Variants in LRRIQ3 observed in about 807,000 individuals in gnomAD.
The protein encoded by LRRIQ3 is leucine-rich repeat and IQ domain-containing protein 3.
LRRIQ3 carries 75 observed loss-of-function variants against 59.3 expected under a neutral mutation model. The ratio of observed to expected loss-of-function variants is 1.26; its 90% CI spans 1.05 to 1.53. The LOEUF (loss-of-function observed/expected upper bound fraction) is 1.53, where lower values mean the gene tolerates loss of function less well. Ranked by LOEUF, LRRIQ3 falls within the 40% of genes most tolerant of loss-of-function variation. LRRIQ3 has a pLI of 0.00. For synonymous variants in LRRIQ3, 250 were observed against 231.3 expected, an observed-to-expected ratio of 1.08 and a Z score of -0.73; for missense variants, 831 against 710.0, an observed-to-expected ratio of 1.17 and a Z score of -1.94.
At chr1:74,066,732 T>C (rs1316867434) in intron 6 of LRRIQ3, among the ~76,000 whole-genome samples, 1 of 152,182 alleles carries the variant, frequency 6.6e-6, no homozygotes, top group Non-Finnish European at 1.5e-5. Context: ...AGTATATTAC[T>C]CAAGATAATT....
intron 6 of LRRIQ3, among the ~76,000 whole-genome samples, chr1:74,055,497 T>C (rs1183833969): frequency 1.3e-5 from 2 of 152,174 alleles, no homozygotes; most frequent in African/African-American, 2.4e-5. Flanking sequence ...TTTGCAAGAA[T>C]CATCCATGTT....
Position 74,032,972 on chromosome 1 carries a change from T to C in LRRIQ3, c.1719-6003A>G, listed in dbSNP as rs375819024. 5.9e-5 allele frequency among the ~76,000 whole-genome samples: 9 copies of C among 152,152 alleles called. No individual in the cohort carries two copies. In the East Asian group the frequency reaches 9.7e-4, roughly 16 times the overall value. On this transcript the variant is annotated intron_variant, in intron 7 of 7. Coordinates refer to ENST00000354431, the MANE Select transcript of LRRIQ3 (RefSeq NM_001105659.2). ...ATATAGAATTTTATAAATATGGATA[T>C]AGGAAGTTGAATGAATTAAAGCTTG...
chr1:74,191,959 T>C (rs1570289342), intron 1 of LRRIQ3, among the ~76,000 whole-genome samples: 1 of 152,064 alleles, frequency 6.6e-6, no homozygotes, highest in African/African-American at 2.4e-5. Flanking sequence ...TTAATTATAT[T>C]CTCAAATATT....
chr1:74,038,700 T>G (rs1653948652), intron 7 of LRRIQ3, among the ~76,000 whole-genome samples: 1 of 152,170 alleles, frequency 6.6e-6, no homozygotes, highest in South Asian at 2.1e-4. Context: ...AGCGAACCTC[T>G]GGCAAACCTC....
intron 4 of LRRIQ3, among the ~76,000 whole-genome samples, chr1:74,124,352 G>A (rs1646904871): frequency 6.6e-6 from 1 of 151,898 alleles, no homozygotes; most frequent in South Asian, 2.1e-4. Context: ...CTGTGCAGAA[G>A]CTCTTTAACT....
At chr1:74,047,212 A>G (rs10789383) in intron 6 of LRRIQ3, among the ~76,000 whole-genome samples, 49,106 of 152,094 alleles carry the variant, frequency 0.32, 8,441 homozygotes, top group Middle Eastern at 0.45. Flanking sequence ...TCACTGATAG[A>G]CTGGATAAAG....
At chr1:74,161,886 A>C (rs1557646933) in intron 3 of LRRIQ3, among the ~76,000 whole-genome samples, 1 of 152,012 alleles carries the variant, frequency 6.6e-6, no homozygotes, top group East Asian at 1.9e-4. Flanking sequence ...CAAATGCCAT[A>C]AACCATTTGA....
At chr1:74,154,157 C>T (rs574908856) in intron 4 of LRRIQ3, among the ~76,000 whole-genome samples, 30 of 138,858 alleles carry the variant, frequency 2.2e-4, no homozygotes, top group African/African-American at 7.5e-4. Context: ...AGGAGAATGG[C>T]GTGAACCCGG....
rs551623126 is a variant in LRRIQ3 at position 74,080,373 on chromosome 1, C to T, written c.868-5583G>A. Among the ~76,000 whole-genome samples, 398 of 151,738 alleles carry T rather than the reference C, an allele frequency of 2.6e-3. 2 individuals carry two copies. Among genetic ancestry groups the T allele is most frequent in the Non-Finnish European group, 3.9e-3 (265 of 67,670 alleles). ...GAGCTATAGAACTCTCCACAATTGA[C>T]AAATTGAATAAGTACCTGGTTATAA... On this transcript the variant is annotated intron_variant, in intron 5 of 7. Transcript: ENST00000354431.
At chr1:74,037,300 C>T (rs2100376593) in intron 7 of LRRIQ3, among the ~76,000 whole-genome samples, 1 of 152,230 alleles carries the variant, frequency 6.6e-6, no homozygotes, top group Middle Eastern at 3.4e-3. Flanking sequence ...CCATAACTGC[C>T]TCCAAATCCT....
chr1:74,190,277 C>A (rs993659621), intron 1 of LRRIQ3, among the ~76,000 whole-genome samples: 2 of 151,616 alleles, frequency 1.3e-5, no homozygotes, highest in Admixed American at 6.6e-5. Context: ...AGGCAACATA[C>A]AAGAACAAAT....
chr1:74,150,624 T>C (rs1274726678), intron 4 of LRRIQ3, among the ~76,000 whole-genome samples: 3 of 152,174 alleles, frequency 2.0e-5, no homozygotes, highest in South Asian at 4.1e-4. Context: ...CCCTAGCATT[T>C]AGATGGTTCC....
At chr1:74,161,216 T>C (rs1476456655) in intron 3 of LRRIQ3, among the ~76,000 whole-genome samples, 1 of 151,948 alleles carries the variant, frequency 6.6e-6, no homozygotes, top group Non-Finnish European at 1.5e-5. Context: ...ATCCTATTTA[T>C]GAGGGTTCTA....
intron 5 of LRRIQ3, among the ~76,000 whole-genome samples, chr1:74,101,567 C>T (rs1166204575): frequency 1.3e-5 from 2 of 152,004 alleles, no homozygotes; most frequent in Admixed American, 6.6e-5. Context: ...GGGTATATAC[C>T]CAAAGGATTA....
At chr1:74,166,365 AT>A (rs1164741028) in intron 3 of LRRIQ3, among the ~76,000 whole-genome samples, 1 of 151,512 alleles carries the variant, frequency 6.6e-6, no homozygotes, top group Non-Finnish European at 1.5e-5. Context: ...TAGTATTATT[AT>A]TCTGTTAACA....
At chr1:74,050,550 G>A in intron 6 of LRRIQ3, 4 of 985,332 alleles carry the variant, frequency 4.1e-6, no homozygotes, top group Non-Finnish European at 4.8e-6. Flanking sequence ...TCTTCTGAAC[G>A]TATTGCAGAT....
At chr1:74,060,270 TTTC>T (rs1332229392) in intron 6 of LRRIQ3, among the ~76,000 whole-genome samples, 26 of 147,110 alleles carry the variant, frequency 1.8e-4, no homozygotes, top group African/African-American at 5.3e-4. Context: ...CTTCCTCTTC[TTTC>T]TCTTCCTCCT....
chr1:74,076,584 C>T (rs888721355), intron 5 of LRRIQ3, among the ~76,000 whole-genome samples: 22 of 152,136 alleles, frequency 1.4e-4, no homozygotes, highest in Non-Finnish European at 2.5e-4. Flanking sequence ...CCCATTACTT[C>T]GACCTGTTCA....
rs187975162 is a variant in LRRIQ3 at position 74,129,515 on chromosome 1, C to T, written c.708-19962G>A. Among the ~76,000 whole-genome samples, 131 of 152,146 alleles carry T rather than the reference C, an allele frequency of 8.6e-4. 1 individual carries two copies. Among genetic ancestry groups the T allele is most frequent in the African/African-American group, 2.8e-3 (118 of 41,556 alleles). ...CCCCTCTGGACCAGAGAGGGTACAG[C>T]AATGCCATCTCAGAGCCAAGACCAA... is the stretch of plus-strand genomic sequence containing the variant. On this transcript the variant is annotated intron_variant, in intron 4 of 7. Coordinates refer to ENST00000354431, the MANE Select transcript of LRRIQ3 (RefSeq NM_001105659.2).
Sources: allele counts gnomAD v4.1 joint callset (sites outside exome capture counted in the v4.1 genomes callset), GRCh38; gene constraint gnomAD v4.1.1; transcripts MANE v1.5; gene names NCBI Gene and HGNC (gene_info 2026-07-23, HGNC 2026-07-21).